The following ZNF488 variants were observed in gnomAD, a reference collection of about 807,000 sequenced individuals.
The protein encoded by ZNF488 is zinc finger protein 488.
ZNF488 carries 1 observed loss-of-function variant against 1.2 expected under a neutral mutation model. That is an observed-to-expected ratio of 0.86 (90% CI 0.30 to 4.07). The LOEUF is 4.07. Among genes scored for constraint, ZNF488 ranks in the 30% most tolerant of loss-of-function variants. The probability of loss-of-function intolerance (pLI) is 0.18; values close to 1 mark genes in which losing one functional copy is unlikely to be tolerated. For missense variants in ZNF488, 450 were observed against 437.9 expected, an observed-to-expected ratio of 1.03 and a Z score of -0.25; for synonymous variants, 185 against 190.1, an observed-to-expected ratio of 0.97 and a Z score of 0.22.
intron 1 of ZNF488, among the ~76,000 whole-genome samples, chr10:47,379,092 A>G (rs1993492): frequency 0.99 from 150,527 of 152,334 alleles, 74,390 homozygotes; most frequent in Middle Eastern, 1. Context: ...ATTGGAAGAA[A>G]CCAGTTCTCC....
intron 1 of ZNF488, among the ~76,000 whole-genome samples, chr10:47,370,877 C>T (rs1361031836): frequency 6.6e-6 from 1 of 152,176 alleles, no homozygotes; most frequent in Non-Finnish European, 1.5e-5. Flanking sequence ...AAATGACCAC[C>T]AGGTCATTTG....
intron 1 of ZNF488, among the ~76,000 whole-genome samples, chr10:47,379,611 G>A (rs1263989564): frequency 6.6e-6 from 1 of 152,240 alleles, no homozygotes; most frequent in Non-Finnish European, 1.5e-5. Flanking sequence ...AACAGAACAA[G>A]GGCCAGACCG....
At chr10:47,382,709 TC>T (rs1838024090) in intron 1 of ZNF488, among the ~76,000 whole-genome samples, 1 of 152,246 alleles carries the variant, frequency 6.6e-6, no homozygotes. Flanking sequence ...GCAAATTCTT[TC>T]ACTGAACACA....
intron 1 of ZNF488, among the ~76,000 whole-genome samples, chr10:47,377,600 TCA>T (rs66911760): frequency 0.043 from 4,931 of 114,534 alleles, 132 homozygotes; most frequent in African/African-American, 0.069. Flanking sequence ...AATAACAATC[TCA>T]CACACACACA....
Position 47,368,226 on chromosome 10 carries a change from C to A in ZNF488, c.604G>T (p.Ala202Ser), listed in dbSNP as rs782409705. The change falls in exon 2 of 2, where the codon GCT (alanine) becomes TCT (serine). Residue 202 changes from alanine to serine, a missense_variant. Transcript: ENST00000585316. ...LSGLLNTTDLACWGRLSTPKL... is the reference protein window; with the variant it reads ...LSGLLNTTDLSCWGRLSTPKL... ...GGAGTTGAAAGTCGACCCCAACAAG[C>A]GAGGTCTGTAGTGTTGAGGAGTCCA... 1 of 1,614,190 alleles carries A rather than the reference C, an allele frequency of 6.2e-7. No homozygotes were observed. The highest frequency in any genetic ancestry group is 1.1e-5 in the South Asian group (1 of 91,088).
chr10:47,375,233 G>T (rs532081150), intron 1 of ZNF488, among the ~76,000 whole-genome samples: 2 of 152,312 alleles, frequency 1.3e-5, no homozygotes, highest in East Asian at 3.9e-4. Flanking sequence ...CAAACTTACA[G>T]TCAAAGAAGT....
chr10:47,374,189 A>G (rs1183804403), intron 1 of ZNF488, among the ~76,000 whole-genome samples: 1 of 152,178 alleles, frequency 6.6e-6, no homozygotes, highest in African/African-American at 2.4e-5. Context: ...ATGGTCCTAA[A>G]TACTATAAGG....
Position 47,367,830 on chromosome 10 carries a change from G to C in ZNF488, c.1000C>G (p.Arg334Gly). The C allele has an allele frequency of 6.2e-7, 1 of 1,612,416 alleles. No homozygotes were observed. Among genetic ancestry groups the C allele is most frequent in the Non-Finnish European group, 8.5e-7 (1 of 1,179,434 alleles). The change falls in exon 2 of 2, where the codon CGG becomes GGG. Residue 334 changes from arginine to glycine, a missense_variant. By Grantham distance (125) the Arg-to-Gly change is moderately radical. Transcript: ENST00000585316. Reference sequence around the variant, plus strand: ...TGCTAGCTGTGAGAAGTCATGTGCCGGGAGAGGTGGTGGCGCTCCCGGAAG... The same window carrying C: ...TGCTAGCTGTGAGAAGTCATGTGCCCGGAGAGGTGGTGGCGCTCCCGGAAG... ...EHFRERHHLS[R>G]HMTSHS
chr10:47,380,079 C>T (rs1273887450), intron 1 of ZNF488, among the ~76,000 whole-genome samples: 3 of 149,892 alleles, frequency 2.0e-5, no homozygotes, highest in Non-Finnish European at 3.0e-5. Context: ...CTCCTTGCTC[C>T]GAACATGATA....
intron 1 of ZNF488, among the ~76,000 whole-genome samples, chr10:47,383,988 GAGAT>G (rs1380954988): frequency 6.6e-6 from 1 of 152,126 alleles, no homozygotes; most frequent in African/African-American, 2.4e-5. Context: ...CAATAAAGAA[GAGAT>G]AGAGGAGAAA....
At position 47,367,771 on chromosome 10, in the gene ZNF488, G is replaced by T. The variant is rs375163134; in HGVS notation, c.*36C>A. The T allele has an allele frequency of 3.2e-6, 5 of 1,570,076 alleles. No individual in the cohort carries two copies. In the African/African-American group the frequency reaches 6.8e-5, roughly 21 times the overall value. On this transcript the variant is annotated 3_prime_UTR_variant, in exon 2 of 2. Coordinates refer to ENST00000585316, the MANE Select transcript of ZNF488 (RefSeq NM_153034.4). ...GGGAGCCCCCCTCTGCCAAAGGCTG[G>T]CTGCTGCACCCAGCAGGTCATTCTG...
intron 1 of ZNF488, among the ~76,000 whole-genome samples, chr10:47,379,449 G>A (rs1282549837): frequency 1.2e-5 from 1 of 81,546 alleles, no homozygotes; most frequent in African/African-American, 5.4e-5. Context: ...AGAAGGAGCA[G>A]GAGGATGGAG....
intron 1 of ZNF488, among the ~76,000 whole-genome samples, chr10:47,380,781 C>A (rs1205236082): frequency 1.3e-5 from 2 of 150,282 alleles, no homozygotes; most frequent in Non-Finnish European, 3.0e-5. Context: ...CTGTATCCAA[C>A]CTGTGACCTT....
intron 1 of ZNF488, among the ~76,000 whole-genome samples, chr10:47,371,197 G>A (rs1190419802): frequency 1.3e-5 from 2 of 152,182 alleles, no homozygotes; most frequent in African/African-American, 4.8e-5. Context: ...AGTGCCCGGG[G>A]AGGGGCAGGA....
intron 1 of ZNF488, among the ~76,000 whole-genome samples, chr10:47,375,654 T>A (rs1224819752): frequency 2.6e-5 from 4 of 152,236 alleles, no homozygotes; most frequent in Non-Finnish European, 5.9e-5. Flanking sequence ...GTTATTTAGA[T>A]CACTGACAAA....
At chr10:47,375,543 AT>A (rs1313363522) in intron 1 of ZNF488, among the ~76,000 whole-genome samples, 4 of 152,244 alleles carry the variant, frequency 2.6e-5, no homozygotes, top group Non-Finnish European at 4.4e-5. Flanking sequence ...TTAAACTGAA[AT>A]TTTTGTCTTG....
chr10:47,380,508 C>T (rs1366682453), intron 1 of ZNF488, among the ~76,000 whole-genome samples: 4 of 148,958 alleles, frequency 2.7e-5, no homozygotes, highest in African/African-American at 5.1e-5. Flanking sequence ...CCTGGGCCAT[C>T]AACCAGGGTC....
intron 1 of ZNF488, among the ~76,000 whole-genome samples, chr10:47,369,704 T>A: frequency 6.6e-6 from 1 of 152,212 alleles, no homozygotes; most frequent in East Asian, 1.9e-4. Context: ...GGCAGCTTCA[T>A]TCCCATCGTA....
At chr10:47,381,141 A>C (rs1186130901) in intron 1 of ZNF488, among the ~76,000 whole-genome samples, 1 of 139,786 alleles carries the variant, frequency 7.2e-6, no homozygotes, top group Non-Finnish European at 1.6e-5. Context: ...GGGATGTCTG[A>C]AGTCACTCCC....
Sources: allele counts gnomAD v4.1 joint callset (sites outside exome capture counted in the v4.1 genomes callset), GRCh38; gene constraint gnomAD v4.1.1; transcripts MANE v1.5; gene names NCBI Gene and HGNC (gene_info 2026-07-23, HGNC 2026-07-21).